The following CKAP4 variants were observed in gnomAD, a reference collection of about 807,000 sequenced individuals.
The protein encoded by CKAP4 is cytoskeleton-associated protein 4.
CKAP4 carries 20 observed loss-of-function variants against 24.4 expected under a neutral mutation model. The ratio of observed to expected loss-of-function variants is 0.82; its 90% CI spans 0.58 to 1.19. The LOEUF is 1.19. Among genes scored for constraint, CKAP4 ranks in the 50% most tolerant of loss-of-function variants. The probability of loss-of-function intolerance (pLI) is 0.00; values close to 1 mark genes in which losing one functional copy is unlikely to be tolerated. For synonymous variants in CKAP4, 378 were observed against 351.7 expected, an observed-to-expected ratio of 1.07 and a Z score of -0.84; for missense variants, 744 against 765.3, an observed-to-expected ratio of 0.97 and a Z score of 0.33.
In CKAP4 at chr12:106,237,965, C is replaced by CT. The variant is rs546533484; in HGVS notation, c.*1058dup. 6,325 of 54,770 alleles carry CT rather than the reference C, an allele frequency of 0.12. 226 individuals carry two copies. The highest frequency in any genetic ancestry group is 0.13 in the African/African-American group (1,736 of 13,272). 3.4% of individuals were successfully genotyped at this position (54,770 alleles called of 1,614,324 possible). A position where few individuals can be genotyped will look rare whatever the true frequency, so the allele number is the denominator to read the frequency against. On this transcript the variant is annotated 3_prime_UTR_variant, in exon 2 of 2. Transcript: ENST00000378026. ...TCATTTCACAGTAAACTAAACAAAA[C>CT]TTTTTTTTTTTTTTTTTACTTTTCG...
intron 1 of CKAP4, among the ~76,000 whole-genome samples, chr12:106,242,105 G>C (rs1019617943): frequency 6.6e-6 from 1 of 152,252 alleles, no homozygotes; most frequent in Admixed American, 6.5e-5. Flanking sequence ...CTTTCCAGCA[G>C]TGTGATCTTG....
chr12:106,240,342 G>C lies in CKAP4; in HGVS notation c.491C>G (p.Ser164Cys). Residue 164 changes from serine to cysteine, a missense_variant, in exon 2 of 2, where the codon TCT becomes TGT. Ser to Cys is a moderately radical substitution (Grantham distance 112). This residue lies in a region of CKAP4 where 300 missense variants were observed against 264.5 expected (regional missense o/e 1.13). Transcript: ENST00000378026. ...AAAAGTTCCAAATGTGGCTTGCAAA[G>C]ACTGCACCTGTAATCAAAATCCAGA... ...GLQGVEQKVQSLQATFGTFES... is the reference protein window; with the variant it reads ...GLQGVEQKVQCLQATFGTFES... 6.2e-7 allele frequency: 1 copy of C among 1,608,940 alleles called. No individual in the cohort carries two copies. The highest frequency in any genetic ancestry group is 8.5e-7 in the Non-Finnish European group (1 of 1,176,414).
At position 106,246,837 on chromosome 12, in the gene CKAP4, A is replaced by T. The variant is rs79281181; in HGVS notation, c.483+532T>A. On this transcript the variant is annotated intron_variant, in intron 1 of 1. Transcript: ENST00000378026. ...GACAAGGGACCTAAAGATAGATGGT[A>T]TTTCATTTGGACCTGCAAATGAGTA... 1,365 of 152,714 alleles carry T rather than the reference A, an allele frequency of 8.9e-3. 15 individuals carry two copies. The highest frequency in any genetic ancestry group is 0.014 in the East Asian group (73 of 5,160). 9.5% of individuals were successfully genotyped at this position (152,714 alleles called of 1,614,324 possible). A position where few individuals can be genotyped will look rare whatever the true frequency, so the allele number is the denominator to read the frequency against.
chr12:106,244,853 A>C, intron 1 of CKAP4, among the ~76,000 whole-genome samples: 1 of 152,216 alleles, frequency 6.6e-6, no homozygotes, highest in South Asian at 2.1e-4. Flanking sequence ...TAGAGCCATG[A>C]GGATTCTTAA....
Position 106,239,762 on chromosome 12 carries a change from G to C in CKAP4, c.1071C>G (p.Leu357=), listed in dbSNP as rs2033952936. The C allele has an allele frequency of 6.2e-7, 1 of 1,613,738 alleles. No individual in the cohort carries two copies. The highest frequency in any genetic ancestry group is 1.7e-5 in the Admixed American group (1 of 59,998). ...GGCGGGAGACGGACTCCTCAGACCT[G>C]AGAAGCTTCTCCGTGAGGGCCTGCA... The part of the protein sequence containing the change: ...LALQALTEKL[L]RSEESVSRLP... The change falls in exon 2 of 2, where the codon CTC becomes CTG. Residue 357 remains leucine (L), a synonymous_variant. Transcript: ENST00000378026. This position sits in a 1 kb window ranked among gnomAD's most constrained non-coding sequence, Gnocchi z 4.9.
chr12:106,238,927 A>C lies in CKAP4; in HGVS notation c.*97T>G. On this transcript the variant is annotated 3_prime_UTR_variant, in exon 2 of 2. Coordinates refer to ENST00000378026, the MANE Select transcript of CKAP4 (RefSeq NM_006825.4). ...TGACAACTGCTCTTTAAGAGGGGAC[A>C]AGAAATTGGGGGGTAGGGGACACAT... 1 of 1,364,100 alleles carries C rather than the reference A, an allele frequency of 7.3e-7. No homozygotes were observed. Among genetic ancestry groups the C allele is most frequent in the South Asian group, 1.3e-5 (1 of 75,390 alleles). 84.5% of individuals were successfully genotyped at this position (1,364,100 alleles called of 1,614,324 possible).
In CKAP4 at chr12:106,240,067, T is replaced by C; in HGVS notation, c.766A>G (p.Thr256Ala). The C allele has an allele frequency of 6.2e-7, 1 of 1,614,180 alleles. No homozygotes were observed. The highest frequency in any genetic ancestry group is 8.5e-7 in the Non-Finnish European group (1 of 1,180,024). The change falls in exon 2 of 2, where the codon ACA becomes GCA. Residue 256 changes from threonine to alanine, a missense_variant. By Grantham distance (58) the Thr-to-Ala change is moderately conservative (BLOSUM62 0). This residue lies in a region of CKAP4 where 43 missense variants were observed against 76.4 expected (regional missense o/e 0.56). Transcript: ENST00000378026. ...TTCTGGCTCCTCTTCTGGACTTCTG[T>C]GAAGATGGCGATGTTGTCGTTGATG... is the stretch of plus-strand genomic sequence containing the variant. ...KSINDNIAIF[T>A]EVQKRSQKEI...
chr12:106,247,451 A>G lies in CKAP4; in HGVS notation c.401T>C (p.Val134Ala), dbSNP rs758732184. Reference sequence around the variant, plus strand: ...CTGGTGGCTGCGCCGGACCTGCTGGACCTCCTCCAGGACGTGGTGGACGCA... The same window carrying G: ...CTGGTGGCTGCGCCGGACCTGCTGGGCCTCCTCCAGGACGTGGTGGACGCA... ...GWCVHHVLEE[V>A]QQVRRSHQDF... Residue 134 changes from valine to alanine, a missense_variant, in exon 1 of 2, where the codon GTC (valine) becomes GCC (alanine). Val to Ala is a moderately conservative substitution (Grantham distance 64, BLOSUM62 0). Transcript: ENST00000378026. This position sits in a 1 kb window ranked among gnomAD's most constrained non-coding sequence, Gnocchi z 4.5. 3.2e-6 allele frequency: 5 copies of G among 1,542,970 alleles called. No individual in the cohort carries two copies. Among genetic ancestry groups the G allele is most frequent in the Non-Finnish European group, 4.4e-6 (5 of 1,146,502 alleles).
chr12:106,238,950 C>T lies in CKAP4; in HGVS notation c.*74G>A, dbSNP rs1315803130. The T allele has an allele frequency of 6.5e-6, 10 of 1,536,282 alleles. No individual in the cohort carries two copies. The East Asian group carries it at 2.0e-4, about 31-fold the overall frequency. ...ACAAGAAATTGGGGGGTAGGGGACA[C>T]ATGGGAAAAAACCACACATTTTTTG... On this transcript the variant is annotated 3_prime_UTR_variant, in exon 2 of 2. Transcript: ENST00000378026.
chr12:106,246,740 T>C lies in CKAP4; in HGVS notation c.483+629A>G, dbSNP rs12830330. ...CTGGGCGACAGAGCCAGACTCCCTC[T>C]CAAAAGAAAACCCAAAAAAGCTGAA... On this transcript the variant is annotated intron_variant, in intron 1 of 1. Coordinates refer to ENST00000378026, the MANE Select transcript of CKAP4 (RefSeq NM_006825.4). 9.5e-3 allele frequency: 1,453 copies of C among 152,660 alleles called. 15 individuals carry two copies. Among genetic ancestry groups the C allele is most frequent in the Middle Eastern group, 0.02 (6 of 298 alleles). 9.5% of individuals were successfully genotyped at this position (152,660 alleles called of 1,614,324 possible).
chr12:106,247,891 G>A lies in CKAP4; in HGVS notation c.-40C>T, dbSNP rs1359416448. On this transcript the variant is annotated 5_prime_UTR_variant, in exon 1 of 2. Transcript: ENST00000378026. The surrounding 1 kb of genome is among the most constrained non-coding windows in gnomAD (Gnocchi z 4.5). Reference sequence around the variant, plus strand: ...CGGCTCGGGCCGCGGGCTGGGAGGCGAGCGAGCGCGGCGCGCGGCCCGGGA... The same window carrying A: ...CGGCTCGGGCCGCGGGCTGGGAGGCAAGCGAGCGCGGCGCGCGGCCCGGGA... 1.2e-5 allele frequency: 12 copies of A among 1,013,292 alleles called. No homozygotes were observed. The highest frequency in any genetic ancestry group is 5.2e-5 in the African/African-American group (3 of 57,324). The allele number at this position is 1,013,292 out of a possible 1,614,324, so 62.8% of individuals were successfully genotyped here. A position where few individuals can be genotyped will look rare whatever the true frequency, so the allele number is the denominator to read the frequency against.
At chr12:106,246,786 C>T (rs912499752) in intron 1 of CKAP4, 3 of 152,426 alleles carry the variant, frequency 2.0e-5, no homozygotes, top group African/African-American at 7.2e-5. Context: ...GTCAAAGGCC[C>T]ACCTGGGCAG....
At position 106,239,896 on chromosome 12, in the gene CKAP4, T is replaced by C. The variant is rs1185638354; in HGVS notation, c.937A>G (p.Thr313Ala). The C allele has an allele frequency of 6.2e-7, 1 of 1,611,814 alleles. No individual in the cohort carries two copies. Among genetic ancestry groups the C allele is most frequent in the East Asian group, 2.2e-5 (1 of 44,712 alleles). ...ATGTCAGACTCCATAGTCTGAAGGGTACTTCTCAGGGCCTCCATGTCCCAC... is the reference window on the plus strand; with the variant it reads ...ATGTCAGACTCCATAGTCTGAAGGGCACTTCTCAGGGCCTCCATGTCCCAC... ...REWDMEALRSTLQTMESDIYT... is the reference protein window; with the variant it reads ...REWDMEALRSALQTMESDIYT... Residue 313 changes from threonine (T) to alanine (A), a missense_variant, in exon 2 of 2, where the codon ACC becomes GCC. Physicochemically the swap from Thr to Ala is moderately conservative, Grantham distance 58. Coordinates refer to ENST00000378026, the MANE Select transcript of CKAP4 (RefSeq NM_006825.4). The surrounding 1 kb of genome is among the most constrained non-coding windows in gnomAD (Gnocchi z 4.9).
rs114007031 is a variant in CKAP4 at position 106,239,270 on chromosome 12, G to C, written c.1563C>G (p.Ala521=). 1 of 1,613,264 alleles carries C rather than the reference G, an allele frequency of 6.2e-7. No homozygotes were observed. Among genetic ancestry groups the C allele is most frequent in the Non-Finnish European group, 8.5e-7 (1 of 1,180,020 alleles). The change falls in exon 2 of 2, where the codon GCC becomes GCG. Residue 521 remains alanine, a synonymous_variant. Coordinates refer to ENST00000378026, the MANE Select transcript of CKAP4 (RefSeq NM_006825.4). The surrounding 1 kb of genome is among the most constrained non-coding windows in gnomAD (Gnocchi z 4.9). ...GGAAGTCCTGAGGAGGCAGACGGGC[G>C]GCCTGGGCTTGGTCCTGACTGAGCA... ...HTLLSQDQAQ[A]ARLPPQDFLD...
At position 106,240,065 on chromosome 12, in the gene CKAP4, T is replaced by G. The variant is rs773402608; in HGVS notation, c.768A>C (p.Thr256=). ...CCTTCTGGCTCCTCTTCTGGACTTC[T>G]GTGAAGATGGCGATGTTGTCGTTGA... The part of the protein sequence containing the change: ...KSINDNIAIF[T]EVQKRSQKEI... The change falls in exon 2 of 2, where the codon ACA becomes ACC. Residue 256 remains threonine, a synonymous_variant. Coordinates refer to ENST00000378026, the MANE Select transcript of CKAP4 (RefSeq NM_006825.4). The G allele has an allele frequency of 4.3e-6, 7 of 1,614,196 alleles. No individual in the cohort carries two copies. In the South Asian group the frequency reaches 7.7e-5, roughly 18 times the overall value.
chr12:106,240,877 A>C (rs1269950631), intron 1 of CKAP4, among the ~76,000 whole-genome samples: 1 of 152,120 alleles, frequency 6.6e-6, no homozygotes, highest in African/African-American at 2.4e-5. Flanking sequence ...GACTGAAAGA[A>C]ATTTAGGAAA....
Position 106,247,823 on chromosome 12 carries a change from T to G in CKAP4, c.29A>C (p.Lys10Thr). ...GGGGCTCGCGGCGCCGTGGCCGCCC[T>G]TGGAGCCCCTTTGTTTGGCCGAGGG... MPSAKQRGS[K>T]GGHGAASPSE... Residue 10 changes from lysine to threonine, a missense_variant, in exon 1 of 2, where the codon AAG becomes ACG. By Grantham distance (78) the Lys-to-Thr change is moderately conservative. Around this residue, in one of 3 missense-constraint regions of CKAP4, gnomAD observed 300 missense variants for 264.5 expected, o/e 1.13. Transcript: ENST00000378026. The surrounding 1 kb of genome is among the most constrained non-coding windows in gnomAD (Gnocchi z 4.5). 1 of 1,046,364 alleles carries G rather than the reference T, an allele frequency of 9.6e-7. No individual in the cohort carries two copies. 64.8% of individuals were successfully genotyped at this position (1,046,364 alleles called of 1,614,324 possible).
Position 106,247,268 on chromosome 12 carries a change from G to T in CKAP4, c.483+101C>A. On this transcript the variant is annotated intron_variant, in intron 1 of 1. Transcript: ENST00000378026. The surrounding 1 kb of genome is among the most constrained non-coding windows in gnomAD (Gnocchi z 4.5). ...CGGCCGGCTCCCGCCTCCGGGCCTG[G>T]GCAGGCAGCGCTAGGGGCCGGTCGG... 9.1e-7 allele frequency: 1 copy of T among 1,100,370 alleles called. No homozygotes were observed. The highest frequency in any genetic ancestry group is 1.2e-6 in the Non-Finnish European group (1 of 805,844). 68.2% of individuals were successfully genotyped at this position (1,100,370 alleles called of 1,614,324 possible). A position where few individuals can be genotyped will look rare whatever the true frequency, so the allele number is the denominator to read the frequency against.
rs1205359459 is a variant in CKAP4, at chr12:106,247,784, G to A, written c.68C>T (p.Ala23Val). 9.5e-7 allele frequency: 1 copy of A among 1,057,114 alleles called. No homozygotes were observed. The highest frequency in any genetic ancestry group is 1.1e-6 in the Non-Finnish European group (1 of 880,926). 65.5% of individuals were successfully genotyped at this position (1,057,114 alleles called of 1,614,324 possible). A position where few individuals can be genotyped will look rare whatever the true frequency, so the allele number is the denominator to read the frequency against. The change falls in exon 1 of 2, where the codon GCC (alanine) becomes GTC (valine). Residue 23 changes from alanine to valine, a missense_variant. By Grantham distance (64) the Ala-to-Val change is moderately conservative. Around this residue, in one of 3 missense-constraint regions of CKAP4, gnomAD observed 300 missense variants for 264.5 expected, o/e 1.13. Coordinates refer to ENST00000378026, the MANE Select transcript of CKAP4 (RefSeq NM_006825.4). The surrounding 1 kb of genome is among the most constrained non-coding windows in gnomAD (Gnocchi z 4.5). ...HGAASPSEKGAHPSGGADDVA... is the reference protein window; with the variant it reads ...HGAASPSEKGVHPSGGADDVA... ...GTCATCCGCGCCGCCCGACGGGTGGGCACCCTTCTCCGAGGGGCTCGCGGC... is the reference window on the plus strand; with the variant it reads ...GTCATCCGCGCCGCCCGACGGGTGGACACCCTTCTCCGAGGGGCTCGCGGC...
Sources: gnomAD v4.1 joint callset for allele counts (sites outside exome capture counted in the v4.1 genomes callset) on GRCh38, gnomAD v4.1.1 for gene constraint, gnomAD v4.1.1 regional missense constraint, Gnocchi (gnomAD v3.1) non-coding constraint, MANE v1.5 for transcripts, NCBI Gene and HGNC (gene_info 2026-07-23, HGNC 2026-07-21) for gene names.